MAP3K13: variants seen among roughly 807,000 people sequenced by gnomAD.
MAP3K13 encodes the protein leucine zipper-bearing kinase.
Under a neutral mutation model 104.0 loss-of-function variants are expected in MAP3K13, and 52 were observed. That is an observed-to-expected ratio of 0.50 (90% confidence interval 0.40 to 0.63). MAP3K13 has a LOEUF of 0.63. Ranked by LOEUF, MAP3K13 falls within the 20% of genes least tolerant of loss-of-function variation. The pLI is 0.00. For missense variants in MAP3K13, 914 were observed against 1,218.5 expected, an observed-to-expected ratio of 0.75 and a Z score of 3.72; for synonymous variants, 394 against 442.2, an observed-to-expected ratio of 0.89 and a Z score of 1.37.
intron 2 of MAP3K13, among the ~76,000 whole-genome samples, chr3:185,352,444 A>T (rs1217404571): frequency 6.6e-6 from 1 of 152,078 alleles, no homozygotes; most frequent in Admixed American, 6.5e-5. Context: ...AACTCTGTCT[A>T]AAAAAGAAAA....
chr3:185,383,548 TG>T (rs1192951757), intron 1 of MAP3K13, among the ~76,000 whole-genome samples: 1 of 136,072 alleles, frequency 7.3e-6, no homozygotes, highest in Admixed American at 7.9e-5. Context: ...GGCGACAGAG[TG>T]AGACTCTGTC....
intron 1 of MAP3K13, among the ~76,000 whole-genome samples, chr3:185,285,200 C>G (rs1398495857): frequency 6.6e-6 from 1 of 152,108 alleles, no homozygotes; most frequent in African/African-American, 2.4e-5. Flanking sequence ...ACCTTGTGTT[C>G]CCGATTTCTG....
intron 2 of MAP3K13, among the ~76,000 whole-genome samples, chr3:185,436,963 T>G (rs907148394): frequency 3.3e-5 from 4 of 122,464 alleles, no homozygotes; most frequent in Admixed American, 1.1e-4. Flanking sequence ...ATCGTGCCAT[T>G]GCACTCCAGC....
upstream of MAP3K13, among the ~76,000 whole-genome samples, chr3:185,362,887 A>G (rs552971788): frequency 9.2e-5 from 14 of 151,542 alleles, no homozygotes; most frequent in South Asian, 2.9e-3. Flanking sequence ...TGATTCCTTC[A>G]TTCAATAACA....
chr3:185,323,334 T>G (rs1270133682), intron 2 of MAP3K13, among the ~76,000 whole-genome samples: 1 of 126,700 alleles, frequency 7.9e-6, no homozygotes, highest in African/African-American at 3.1e-5. Context: ...TTGGCATACC[T>G]TTTTTTTTTT....
At chr3:185,352,113 T>C (rs1390713686) in intron 2 of MAP3K13, among the ~76,000 whole-genome samples, 1 of 152,100 alleles carries the variant, frequency 6.6e-6, no homozygotes, top group East Asian at 1.9e-4. Flanking sequence ...TACAGAACTA[T>C]TTAGCAGAGT....
upstream of MAP3K13, among the ~76,000 whole-genome samples, chr3:185,362,816 A>G (rs1009741142): frequency 2.0e-5 from 3 of 152,174 alleles, no homozygotes; most frequent in African/African-American, 7.2e-5. Context: ...TCTAATGAAT[A>G]AAAGATGGGA....
At chr3:185,383,630 T>C (rs1324446125) in intron 1 of MAP3K13, among the ~76,000 whole-genome samples, 1 of 151,630 alleles carries the variant, frequency 6.6e-6, no homozygotes, top group Non-Finnish European at 1.5e-5. Flanking sequence ...ATGTAATTTC[T>C]GCACATACTG....
At chr3:185,292,032 C>T (rs1185663025) in intron 2 of MAP3K13, 7 of 991,502 alleles carry the variant, frequency 7.1e-6, no homozygotes, top group African/African-American at 1.7e-5. Flanking sequence ...AGGCTGGGCA[C>T]GGTGGCTCAT....
At chr3:185,409,575 G>A (rs1334049841) in intron 1 of MAP3K13, among the ~76,000 whole-genome samples, 3 of 152,096 alleles carry the variant, frequency 2.0e-5, no homozygotes, top group Admixed American at 6.5e-5. Flanking sequence ...AACAGTATGA[G>A]CGTTCCTCAA....
intron 1 of MAP3K13, among the ~76,000 whole-genome samples, chr3:185,380,386 C>G (rs1030446265): frequency 2.6e-5 from 4 of 151,658 alleles, no homozygotes; most frequent in Admixed American, 1.3e-4. Context: ...TGTTGCGTGC[C>G]TGCAGTCCCA....
chr3:185,482,342 C>T lies in MAP3K13; in HGVS notation c.2800-13C>T, dbSNP rs370881056. 5.0e-5 allele frequency: 80 copies of T among 1,591,522 alleles called. No homozygotes were observed. The highest frequency in any genetic ancestry group is 5.3e-5 in the Non-Finnish European group (62 of 1,159,584). On this transcript the variant is annotated splice_polypyrimidine_tract_variant and intron_variant, in intron 13 of 13. Coordinates refer to ENST00000265026, the MANE Select transcript of MAP3K13 (RefSeq NM_004721.5). This position sits in a 1 kb window ranked among gnomAD's most constrained non-coding sequence, Gnocchi z 4.5. ...TTATCGAAATGAATTAAGGTTTTGT[C>T]TTGCCTTTGCAGAACCCCATGCAGT...
intron 2 of MAP3K13, among the ~76,000 whole-genome samples, chr3:185,305,693 C>G (rs1460748766): frequency 6.6e-6 from 1 of 152,122 alleles, no homozygotes; most frequent in Non-Finnish European, 1.5e-5. Flanking sequence ...GTGCTGAACT[C>G]CTTCAGCTTT....
intron 1 of MAP3K13, chr3:185,283,043 A>C (rs1720360601): frequency 6.6e-6 from 1 of 152,626 alleles, no homozygotes; most frequent in African/African-American, 2.4e-5. Flanking sequence ...CTGCGGGCGG[A>C]TCTGAACGGG....
At chr3:185,302,559 A>G (rs948988705) in intron 2 of MAP3K13, among the ~76,000 whole-genome samples, 7 of 151,976 alleles carry the variant, frequency 4.6e-5, no homozygotes, top group Admixed American at 4.6e-4. Flanking sequence ...CTCCTTCTTT[A>G]CATTTATTCC....
intron 2 of MAP3K13, among the ~76,000 whole-genome samples, chr3:185,307,665 G>A (rs1721342527): frequency 2.7e-5 from 4 of 149,298 alleles, no homozygotes; most frequent in Admixed American, 2.0e-4. Context: ...TGCCTCTGCT[G>A]CCCAAGTAGC....
At chr3:185,364,697 T>A (rs2108744233) in intron 1 of MAP3K13, among the ~76,000 whole-genome samples, 2 of 152,288 alleles carry the variant, frequency 1.3e-5, no homozygotes, top group Middle Eastern at 3.4e-3. Context: ...TTACCGTCAA[T>A]CATTTTGTAT....
chr3:185,353,970 GT>G (rs1723243302), intron 2 of MAP3K13, among the ~76,000 whole-genome samples: 1 of 152,158 alleles, frequency 6.6e-6, no homozygotes, highest in African/African-American at 2.4e-5. Flanking sequence ...GAGGGTGGCA[GT>G]GCAGACTGGG....
At chr3:185,345,810 T>G (rs1480878507) in intron 2 of MAP3K13, among the ~76,000 whole-genome samples, 1 of 152,162 alleles carries the variant, frequency 6.6e-6, no homozygotes, top group Non-Finnish European at 1.5e-5. Context: ...TGTAATGCAC[T>G]TGAATCATCC....
Sources: allele counts gnomAD v4.1 joint callset (sites outside exome capture counted in the v4.1 genomes callset), GRCh38; gene constraint gnomAD v4.1.1; non-coding constraint Gnocchi (gnomAD v3.1); transcripts MANE v1.5; gene names NCBI Gene and HGNC (gene_info 2026-07-23, HGNC 2026-07-21).